PHF2: variants seen among roughly 807,000 people sequenced by gnomAD.
The protein encoded by PHF2 is PHD finger protein 2.
In PHF2, 27 loss-of-function variants were observed where a neutral mutation model predicts 120.5. The observed-to-expected ratio is 0.22, with a 90% CI of 0.17 to 0.31. The LOEUF is 0.31. Among genes scored for constraint, PHF2 ranks in the 10% least tolerant of loss-of-function variants. The pLI is 1.00. For missense variants in PHF2, 1,024 were observed against 1,434.8 expected, an observed-to-expected ratio of 0.71 and a Z score of 4.63; for synonymous variants, 568 against 592.5, an observed-to-expected ratio of 0.96 and a Z score of 0.60.
At chr9:93,651,216 T>G (rs993305127) in intron 5 of PHF2, among the ~76,000 whole-genome samples, 2 of 152,066 alleles carry the variant, frequency 1.3e-5, no homozygotes, top group Non-Finnish European at 2.9e-5. Context: ...ATTGCTTTGG[T>G]ACCAAACAAC....
At chr9:93,649,337 C>A in intron 5 of PHF2, 125 bp downstream of exon 5, 9 of 472,870 alleles carry the variant, frequency 1.9e-5, no homozygotes, top group East Asian at 4.3e-5. Flanking sequence ...ACATGGCACA[C>A]ACTGATTTTT....
chr9:93,651,431 T>C (rs1025443298), intron 5 of PHF2, among the ~76,000 whole-genome samples: 2 of 152,168 alleles, frequency 1.3e-5, no homozygotes, highest in Non-Finnish European at 1.5e-5. Flanking sequence ...GCAACTTTTG[T>C]TGGGCACTTA....
chr9:93,594,749 AG>A (rs1825300729), intron 1 of PHF2: 1 of 152,284 alleles, frequency 6.6e-6, no homozygotes, highest in African/African-American at 2.4e-5. Context: ...AGGACCGCTG[AG>A]GAGAGCCCAG....
chr9:93,631,087 CAG>C (rs1391113207), intron 2 of PHF2, among the ~76,000 whole-genome samples: 1 of 152,160 alleles, frequency 6.6e-6, no homozygotes, highest in Non-Finnish European at 1.5e-5. Context: ...CCTATGGAAT[CAG>C]TAGGGGCAGA....
chr9:93,614,977 GTAATGGTGATGATGA>G (rs912250442), intron 1 of PHF2, among the ~76,000 whole-genome samples: 2 of 151,130 alleles, frequency 1.3e-5, no homozygotes, highest in African/African-American at 4.9e-5. Flanking sequence ...AGTGATGACG[GTAATGGTGATGATGA>G]TGATGGTGAT....
intron 4 of PHF2, among the ~76,000 whole-genome samples, chr9:93,647,339 G>C (rs114980868): frequency 6.6e-6 from 1 of 152,186 alleles, no homozygotes; most frequent in Non-Finnish European, 1.5e-5. Context: ...CTAATCATGC[G>C]GGTGGGGCCT....
In PHF2 at chr9:93,672,598, A is replaced by G. The variant is rs1197045465; in HGVS notation, c.2349-987A>G. ...TAGGTGTAGGCACCAGTGTAGATGG[A>G]GGTGTGGGTATGGGTGTAGGCACAG... On this transcript the variant is annotated intron_variant, in intron 17 of 21. Transcript: ENST00000359246. 9.2e-6 allele frequency: 9 copies of G among 978,684 alleles called. No individual in the cohort carries two copies. The Admixed American group carries it at 5.7e-4, about 62-fold the overall frequency. 60.6% of individuals were successfully genotyped at this position (978,684 alleles called of 1,614,324 possible).
intron 1 of PHF2, among the ~76,000 whole-genome samples, chr9:93,583,242 G>T (rs776272555): frequency 5.9e-5 from 9 of 152,232 alleles, no homozygotes; most frequent in Non-Finnish European, 1.0e-4. Flanking sequence ...TCATGTGTCT[G>T]TGTTTCATTG....
intron 1 of PHF2, among the ~76,000 whole-genome samples, chr9:93,604,248 T>C (rs1340027209): frequency 6.6e-6 from 1 of 151,812 alleles, no homozygotes; most frequent in Non-Finnish European, 1.5e-5. Context: ...GTGAGTTGGC[T>C]CTCGACTCCT....
At chr9:93,664,940 A>G (rs989814431) in intron 14 of PHF2, among the ~76,000 whole-genome samples, 7 of 152,172 alleles carry the variant, frequency 4.6e-5, no homozygotes, top group African/African-American at 1.7e-4. Context: ...CTGCACTTCC[A>G]TTTGCTCAGA....
chr9:93,628,724 G>A (rs1825951270), intron 1 of PHF2, among the ~76,000 whole-genome samples: 1 of 152,074 alleles, frequency 6.6e-6, no homozygotes, highest in East Asian at 1.9e-4. Context: ...AAATTTACTG[G>A]TCAGTTTTAT....
At chr9:93,598,119 C>T (rs1825367595) in intron 1 of PHF2, among the ~76,000 whole-genome samples, 1 of 152,214 alleles carries the variant, frequency 6.6e-6, no homozygotes, top group Admixed American at 6.5e-5. Flanking sequence ...CCTGCAGCTC[C>T]TCAGGCCCCT....
chr9:93,646,343 C>T (rs539797241), intron 4 of PHF2, among the ~76,000 whole-genome samples: 3 of 152,326 alleles, frequency 2.0e-5, no homozygotes, highest in South Asian at 2.1e-4. Context: ...GTGGGGGTGC[C>T]GTTCAAGAGG....
intron 1 of PHF2, among the ~76,000 whole-genome samples, chr9:93,601,177 C>T (rs571745010): frequency 1.3e-5 from 2 of 152,308 alleles, no homozygotes; most frequent in South Asian, 2.1e-4. Flanking sequence ...CAAGAGTGTA[C>T]AGAGCTTTGC....
In PHF2 at chr9:93,674,913, C is replaced by T; in HGVS notation, c.2627-14C>T. ...GCACTCAGCGGGCCACGCCTTCCCT[C>T]TGCCTCCCTCTAGTTTACCCCTCAC... On this transcript the variant is annotated splice_polypyrimidine_tract_variant and intron_variant, in intron 18 of 21. Transcript: ENST00000359246. 6.2e-7 allele frequency: 1 copy of T among 1,606,466 alleles called. No homozygotes were observed. The highest frequency in any genetic ancestry group is 1.7e-5 in the Admixed American group (1 of 60,008).
chr9:93,617,557 G>A (rs1825748919), intron 1 of PHF2, among the ~76,000 whole-genome samples: 1 of 152,130 alleles, frequency 6.6e-6, no homozygotes, highest in African/African-American at 2.4e-5. Flanking sequence ...TACACTCCCC[G>A]CCCCCGAAGC....
chr9:93,596,847 C>G (rs1385229633), intron 1 of PHF2, among the ~76,000 whole-genome samples: 2 of 151,588 alleles, frequency 1.3e-5, no homozygotes, highest in African/African-American at 4.9e-5. Flanking sequence ...CAACCTCTGT[C>G]TCCTGGGTTC....
intron 1 of PHF2, among the ~76,000 whole-genome samples, chr9:93,597,165 A>G (rs1045346958): frequency 1.3e-5 from 2 of 152,038 alleles, no homozygotes; most frequent in African/African-American, 4.8e-5. Flanking sequence ...TCTTGCCCTC[A>G]TGGTCCGCCT....
rs1826179240 is a variant in PHF2, at chr9:93,641,996, A to G, written c.300-3633A>G. 2.0e-5 allele frequency among the ~76,000 whole-genome samples: 3 copies of G among 152,312 alleles called. No individual in the cohort carries two copies. The East Asian group carries it at 5.8e-4, about 29-fold the overall frequency. On this transcript the variant is annotated intron_variant, in intron 3 of 21. Transcript: ENST00000359246. ...TAGGAAGAACTTTATTCTTTTGCAT[A>G]TGGATATCAACTTTTCCTAGCAACA...
Sources: gnomAD v4.1 joint callset for allele counts (sites outside exome capture counted in the v4.1 genomes callset) on GRCh38, gnomAD v4.1.1 for gene constraint, MANE v1.5 for transcripts, NCBI Gene and HGNC (gene_info 2026-07-23, HGNC 2026-07-21) for gene names.